Variants in MAGI1 observed in about 807,000 individuals in gnomAD.
The protein encoded by MAGI1 is membrane associated guanylate kinase, WW and PDZ domain containing 1.
MAGI1 carries 58 observed loss-of-function variants against 139.9 expected under a neutral mutation model. That is an observed-to-expected ratio of 0.41 (90% CI 0.34 to 0.52). MAGI1 has a LOEUF of 0.52. MAGI1 is among the 20% of genes least tolerant of loss of function. MAGI1 has a pLI of 0.12. For synonymous variants in MAGI1, 812 were observed against 737.9 expected, an observed-to-expected ratio of 1.10 and a Z score of -1.63; for missense variants, 1,874 against 1,901.6, an observed-to-expected ratio of 0.99 and a Z score of 0.27.
chr3:65,737,037 GC>G (rs1254377753), intron 1 of MAGI1, among the ~76,000 whole-genome samples: 6 of 150,220 alleles, frequency 4.0e-5, no homozygotes, highest in Non-Finnish European at 7.4e-5. Context: ...ACGGAGTCTC[GC>G]TCTGTCCCTA....
At chr3:65,898,553 T>C (rs1371439198) in intron 1 of MAGI1, among the ~76,000 whole-genome samples, 5 of 152,116 alleles carry the variant, frequency 3.3e-5, no homozygotes, top group Non-Finnish European at 7.3e-5. Context: ...GTATAGAAAA[T>C]AGGAGTAAGT....
intron 22 of MAGI1, chr3:65,359,470 C>A: frequency 9.1e-7 from 1 of 1,100,126 alleles, no homozygotes; most frequent in Non-Finnish European, 1.1e-6. Context: ...GACAGGCTGG[C>A]ATAGGAGAGC....
intron 12 of MAGI1, among the ~76,000 whole-genome samples, chr3:65,423,231 A>G (rs1946758730): frequency 6.6e-6 from 1 of 152,222 alleles, no homozygotes; most frequent in East Asian, 1.9e-4. Flanking sequence ...CTTAAGCAGT[A>G]CAATGTACAA....
chr3:65,826,479 C>G (rs1013976547), intron 1 of MAGI1, among the ~76,000 whole-genome samples: 1 of 152,158 alleles, frequency 6.6e-6, no homozygotes, highest in Non-Finnish European at 1.5e-5. Context: ...TCATCTGCCT[C>G]TGGGCTAATT....
intron 22 of MAGI1, chr3:65,359,340 A>T (rs1940541061): frequency 7.2e-7 from 1 of 1,390,026 alleles, no homozygotes; most frequent in African/African-American, 1.4e-5. Flanking sequence ...ATAAGGCTGC[A>T]GAGACCGCAA....
intron 1 of MAGI1, among the ~76,000 whole-genome samples, chr3:65,971,355 G>C (rs1035195969): frequency 1.3e-5 from 2 of 152,184 alleles, no homozygotes; most frequent in African/African-American, 4.8e-5. Context: ...GTGATGTTGA[G>C]CCTGAAGAAA....
chr3:65,679,429 G>A (rs2087420959), intron 1 of MAGI1, among the ~76,000 whole-genome samples: 1 of 152,108 alleles, frequency 6.6e-6, no homozygotes, highest in South Asian at 2.1e-4. Flanking sequence ...CGGGCACGGT[G>A]GCTCACATCT....
intron 2 of MAGI1, among the ~76,000 whole-genome samples, chr3:65,611,881 T>G (rs1049597358): frequency 6.6e-6 from 1 of 151,782 alleles, no homozygotes; most frequent in Non-Finnish European, 1.5e-5. Flanking sequence ...TAGCCTCAGT[T>G]TCCTCATCAG....
intron 2 of MAGI1, among the ~76,000 whole-genome samples, chr3:65,578,709 C>T (rs1312645007): frequency 6.6e-6 from 1 of 152,156 alleles, no homozygotes; most frequent in African/African-American, 2.4e-5. Context: ...CACTTGAGGT[C>T]AGGAGTTCAA....
chr3:65,644,694 A>G (rs1050786143), intron 1 of MAGI1, among the ~76,000 whole-genome samples: 2 of 152,112 alleles, frequency 1.3e-5, no homozygotes, highest in African/African-American at 4.8e-5. Flanking sequence ...GTCAATTTGA[A>G]GGTAGGATAT....
intron 2 of MAGI1, among the ~76,000 whole-genome samples, chr3:65,561,492 A>T (rs1320603837): frequency 2.0e-5 from 3 of 152,122 alleles, no homozygotes; most frequent in African/African-American, 7.2e-5. Flanking sequence ...AACTCAAAGG[A>T]TCCTGAAGTG....
At chr3:65,488,272 A>G (rs984427558) in intron 3 of MAGI1, among the ~76,000 whole-genome samples, 1 of 152,094 alleles carries the variant, frequency 6.6e-6, no homozygotes, top group Non-Finnish European at 1.5e-5. Context: ...CCAAAACTAG[A>G]TGAAGCTTTC....
intron 5 of MAGI1, among the ~76,000 whole-genome samples, chr3:65,466,241 AT>A (rs1950166020): frequency 6.6e-6 from 1 of 152,202 alleles, no homozygotes; most frequent in East Asian, 1.9e-4. Flanking sequence ...CTGTGTTAGT[AT>A]CTACTCATTG....
At chr3:65,360,892 C>T in intron 22 of MAGI1, 1 of 1,252,898 alleles carries the variant, frequency 8.0e-7, no homozygotes, top group South Asian at 2.8e-5. Flanking sequence ...ATCTGAGGAA[C>T]AGTTTGGCAC....
At position 65,356,545 on chromosome 3, in the gene MAGI1, C is replaced by A; in HGVS notation, c.4222G>T (p.Glu1408Ter). 1.2e-6 allele frequency: 2 copies of A among 1,609,392 alleles called. No homozygotes were observed. The highest frequency in any genetic ancestry group is 1.7e-6 in the Non-Finnish European group (2 of 1,179,696). The change falls in exon 23 of 23, where the codon GAG (glutamate) becomes TAG (stop). Residue 1408 changes from glutamate (E) to a stop codon, truncating the protein, a stop_gained. Coordinates refer to ENST00000402939, the MANE Select transcript of MAGI1 (RefSeq NM_001033057.2). LOFTEE classifies it low-confidence loss of function (END_TRUNC). Reference protein sequence around the residue: ...STDRRRARSPERRRERSLDKR... With the variant: ...STDRRRARSP The stretch of plus-strand genomic sequence containing the variant: ...TCCAGGGACCGCTCTCTCCTGCGCT[C>A]GGGGGAGCGTGCGCGCCTCCGGTCG...
Position 65,401,428 on chromosome 3 carries a change from C to T in MAGI1, c.2199+11G>A, listed in dbSNP as rs1319337085. 5 of 1,475,282 alleles carry T rather than the reference C, an allele frequency of 3.4e-6. No individual in the cohort carries two copies. The highest frequency in any genetic ancestry group is 4.6e-6 in the Non-Finnish European group (5 of 1,092,718). 91.4% of individuals were successfully genotyped at this position (1,475,282 alleles called of 1,614,324 possible). A position where few individuals can be genotyped will look rare whatever the true frequency, so the allele number is the denominator to read the frequency against. On this transcript the variant is annotated intron_variant, in intron 13 of 22. Coordinates refer to ENST00000402939, the MANE Select transcript of MAGI1 (RefSeq NM_001033057.2). ...GCCCCAACAAGCACCAAGTAACTGA[C>T]AAGTCCTTACCGACTTTGGGCTCTT...
intron 2 of MAGI1, among the ~76,000 whole-genome samples, chr3:65,507,075 C>T (rs2077320176): frequency 1.3e-5 from 2 of 152,226 alleles, no homozygotes; most frequent in South Asian, 2.1e-4. Context: ...CAACATATAA[C>T]TTCTTGAAAA....
chr3:65,778,611 G>C (rs1239886969), intron 1 of MAGI1, among the ~76,000 whole-genome samples: 1 of 152,042 alleles, frequency 6.6e-6, no homozygotes, highest in African/African-American at 2.4e-5. Flanking sequence ...GCACAGGTGA[G>C]GAAACAGCAG....
At chr3:65,856,391 G>A (rs2059379355) in intron 1 of MAGI1, among the ~76,000 whole-genome samples, 1 of 151,686 alleles carries the variant, frequency 6.6e-6, no homozygotes, top group Non-Finnish European at 1.5e-5. Flanking sequence ...CTCCCAGATG[G>A]CAGAAGTTAA....
Sources: gnomAD v4.1 joint callset for allele counts (sites outside exome capture counted in the v4.1 genomes callset) on GRCh38, gnomAD v4.1.1 for gene constraint, MANE v1.5 for transcripts, NCBI Gene and HGNC (gene_info 2026-07-23, HGNC 2026-07-21) for gene names.